Variants in ALDH1A2 observed in about 807,000 individuals in gnomAD.
The protein encoded by ALDH1A2 is aldehyde dehydrogenase 1 family member A2.
ALDH1A2 carries 27 observed loss-of-function variants against 60.3 expected under a neutral mutation model. The observed-to-expected ratio is 0.45, with a 90% CI of 0.33 to 0.62. ALDH1A2 has a LOEUF of 0.62. Among genes scored for constraint, ALDH1A2 ranks in the 20% least tolerant of loss-of-function variants. The pLI is 0.02. For missense variants in ALDH1A2, 581 were observed against 643.8 expected (o/e 0.90, Z 1.06); for synonymous variants, 289 against 232.4 (o/e 1.24, Z -2.21).
intron 7 of ALDH1A2, among the ~76,000 whole-genome samples, chr15:57,987,992 G>A (rs1001560502): frequency 1.3e-5 from 2 of 151,854 alleles, no homozygotes; most frequent in Non-Finnish European, 2.9e-5. Flanking sequence ...GTTAAAGATC[G>A]TTACAGATAA....
In ALDH1A2 at chr15:57,953,504, C is replaced by T. The variant is rs184138969; in HGVS notation, c.*1693G>A. 10 of 152,836 alleles carry T rather than the reference C, an allele frequency of 6.5e-5. No individual in the cohort carries two copies. The highest frequency in any genetic ancestry group is 6.5e-4 in the Admixed American group (10 of 15,300). The allele number at this position is 152,836 out of a possible 1,614,324, so 9.5% of individuals were successfully genotyped here. On this transcript the variant is annotated 3_prime_UTR_variant, in exon 13 of 13. Transcript: ENST00000249750. ...ATTAAAAGAAATAAATCTTCATTTTCACATTTTTTGTTGCAGTCCAAAGGT... is the reference window on the plus strand; with the variant it reads ...ATTAAAAGAAATAAATCTTCATTTTTACATTTTTTGTTGCAGTCCAAAGGT...
intron 12 of ALDH1A2, among the ~76,000 whole-genome samples, chr15:57,960,184 A>G (rs1311880225): frequency 6.6e-6 from 1 of 152,210 alleles, no homozygotes; most frequent in African/African-American, 2.4e-5. Context: ...CCCAAAACAT[A>G]TTAAATGCCT....
In ALDH1A2 at chr15:57,955,203, G is replaced by A. The variant is rs199616671; in HGVS notation, c.1551C>T (p.Asn517=). Reference sequence around the variant, plus strand: ...ATCCTCCTTCTTGGCCTTCTTAGGAGTTCTTCTGGGGGATCTTTACTGTCA... The same window carrying A: ...ATCCTCCTTCTTGGCCTTCTTAGGAATTCTTCTGGGGGATCTTTACTGTCA... The part of the protein sequence containing the change: ...KTVTVKIPQK[N]S Residue 517 remains asparagine (N), a synonymous_variant, in exon 13 of 13, where the codon AAC becomes AAT. Transcript: ENST00000249750. 4 of 1,614,150 alleles carry A rather than the reference G, an allele frequency of 2.5e-6. No individual in the cohort carries two copies. The highest frequency in any genetic ancestry group is 2.2e-5 in the East Asian group (1 of 44,864).
intron 1 of ALDH1A2, among the ~76,000 whole-genome samples, chr15:58,030,985 C>G (rs1896223065): frequency 6.6e-6 from 1 of 152,030 alleles, no homozygotes; most frequent in Non-Finnish European, 1.5e-5. Context: ...CAATGCCATC[C>G]CCATCAAGCT....
chr15:57,972,015 C>T (rs1456629372), intron 7 of ALDH1A2, among the ~76,000 whole-genome samples: 1 of 152,176 alleles, frequency 6.6e-6, no homozygotes, highest in Non-Finnish European at 1.5e-5. Context: ...TGGGCGTGAG[C>T]CATCGTGTCC....
At chr15:57,960,580 G>T (rs1229880396) in intron 12 of ALDH1A2, among the ~76,000 whole-genome samples, 190 bp downstream of exon 12, 1 of 152,124 alleles carries the variant, frequency 6.6e-6, no homozygotes, top group East Asian at 1.9e-4. Flanking sequence ...TTCTCACTTT[G>T]GGAAATGGAA....
intron 3 of ALDH1A2, among the ~76,000 whole-genome samples, chr15:58,011,683 T>C (rs1372240451): frequency 1.3e-5 from 2 of 152,216 alleles, no homozygotes; most frequent in Non-Finnish European, 2.9e-5. Flanking sequence ...ATGAAAATAC[T>C]ATGACTTCCA....
intron 1 of ALDH1A2, among the ~76,000 whole-genome samples, chr15:58,020,495 A>G (rs1424839112): frequency 6.6e-6 from 1 of 152,194 alleles, no homozygotes; most frequent in African/African-American, 2.4e-5. Flanking sequence ...TATTTAATAG[A>G]TGTGGTAAAA....
At chr15:58,027,943 G>C (rs566727649) in intron 1 of ALDH1A2, among the ~76,000 whole-genome samples, 1 of 152,198 alleles carries the variant, frequency 6.6e-6, no homozygotes, top group East Asian at 1.9e-4. Context: ...TGAAAGTGAC[G>C]GGGACAATGG....
At chr15:58,015,731 A>T (rs1384790945) in intron 1 of ALDH1A2, among the ~76,000 whole-genome samples, 2 of 152,176 alleles carry the variant, frequency 1.3e-5, no homozygotes, top group Non-Finnish European at 2.9e-5. Context: ...AGGGAGCTTG[A>T]GTCCAAAGAA....
At chr15:58,001,345 T>C (rs947769641) in intron 4 of ALDH1A2, among the ~76,000 whole-genome samples, 1 of 151,808 alleles carries the variant, frequency 6.6e-6, no homozygotes, top group Non-Finnish European at 1.5e-5. Flanking sequence ...AGAATTAGAG[T>C]ATAATGTCAA....
At chr15:58,032,055 C>T (rs187277513) in intron 1 of ALDH1A2, among the ~76,000 whole-genome samples, 212 of 152,224 alleles carry the variant, frequency 1.4e-3, no homozygotes, top group African/African-American at 4.9e-3. Context: ...CACATGCACA[C>T]GTATGTTTAT....
At position 58,065,691 on chromosome 15, in the gene ALDH1A2, T is replaced by C; in HGVS notation, c.-41A>G. The C allele has an allele frequency of 1.4e-6, 2 of 1,385,452 alleles. No individual in the cohort carries two copies. The highest frequency in any genetic ancestry group is 1.5e-5 in the African/African-American group (1 of 68,180). 85.8% of individuals were successfully genotyped at this position (1,385,452 alleles called of 1,614,324 possible). Reference sequence around the variant, plus strand: ...GTCCCTAGCCCGCGGCGTGGGGCAGTGCGGGCTGTGCGCGCGGTCCGCGGC... The same window carrying C: ...GTCCCTAGCCCGCGGCGTGGGGCAGCGCGGGCTGTGCGCGCGGTCCGCGGC... On this transcript the variant is annotated 5_prime_UTR_variant, in exon 1 of 13. Coordinates refer to ENST00000249750, the MANE Select transcript of ALDH1A2 (RefSeq NM_003888.4).
At chr15:58,056,021 T>C (rs1282730790) in intron 1 of ALDH1A2, among the ~76,000 whole-genome samples, 1 of 152,150 alleles carries the variant, frequency 6.6e-6, no homozygotes, top group African/African-American at 2.4e-5. Context: ...GAGTGTTGTA[T>C]GTGTGTGAGA....
chr15:58,005,881 T>C (rs187463408), intron 4 of ALDH1A2, among the ~76,000 whole-genome samples: 3 of 151,974 alleles, frequency 2.0e-5, no homozygotes, highest in East Asian at 1.9e-4. Context: ...TTGAGAAAAG[T>C]AGGCTCTAGA....
chr15:58,054,086 C>T (rs1896839031), intron 1 of ALDH1A2, among the ~76,000 whole-genome samples: 1 of 152,088 alleles, frequency 6.6e-6, no homozygotes, highest in South Asian at 2.1e-4. Flanking sequence ...ACCATTTAGG[C>T]CAACAGCTGG....
chr15:58,010,654 G>A lies in ALDH1A2; in HGVS notation c.488C>T (p.Pro163Leu). The change falls in exon 4 of 13, where the codon CCT becomes CTT. Residue 163 changes from proline to leucine, a missense_variant. Pro to Leu is a moderately conservative substitution (Grantham distance 98). Around this residue, in one of 2 missense-constraint regions of ALDH1A2, gnomAD observed 375 missense variants for 469.7 expected, o/e 0.80. Transcript: ENST00000249750. ...WADKIHGMTI[P>L]VDGDYFTFTR... is the part of the protein sequence containing the mutation. ...CGTACTCAGATTTCACATACCTACA[G>A]GAATGGTCATCCCATGAATTTTATC... 6.2e-7 allele frequency: 1 copy of A among 1,613,094 alleles called. No homozygotes were observed. Among genetic ancestry groups the A allele is most frequent in the Non-Finnish European group, 8.5e-7 (1 of 1,179,242 alleles).
At chr15:57,964,240 C>A in intron 8 of ALDH1A2, 171 bp from the exon 9 acceptor site, 4 of 644,672 alleles carry the variant, frequency 6.2e-6, no homozygotes, top group Non-Finnish European at 1.1e-5. Context: ...CCCTGACATG[C>A]TATGTGAACT....
At chr15:57,982,498 T>C (rs1420718185) in intron 7 of ALDH1A2, among the ~76,000 whole-genome samples, 2 of 152,148 alleles carry the variant, frequency 1.3e-5, no homozygotes, top group African/African-American at 2.4e-5. Context: ...CACTGAGGAG[T>C]ACTTTGTTTT....
Sources: allele counts gnomAD v4.1 joint callset (sites outside exome capture counted in the v4.1 genomes callset), GRCh38; gene constraint gnomAD v4.1.1; regional missense constraint gnomAD v4.1.1; transcripts MANE v1.5; gene names NCBI Gene and HGNC (gene_info 2026-07-23, HGNC 2026-07-21).